The following LRRC4C variants were observed in gnomAD, a reference collection of about 807,000 sequenced individuals.
LRRC4C encodes the protein leucine-rich repeat-containing protein 4C.
In LRRC4C, 5 loss-of-function variants were observed where a neutral mutation model predicts 33.6. That is an observed-to-expected ratio of 0.15 (90% CI 0.08 to 0.31). The LOEUF is 0.31. Ranked by LOEUF, LRRC4C falls within the 10% of genes least tolerant of loss-of-function variation. The pLI is 1.00. For missense variants in LRRC4C, 560 were observed against 796.7 expected (o/e 0.70, Z 3.58); for synonymous variants, 329 against 302.0 (o/e 1.09, Z -0.93).
intron 1 of LRRC4C, among the ~76,000 whole-genome samples, chr11:40,980,906 C>A (rs1305420181): frequency 6.6e-6 from 1 of 152,060 alleles, no homozygotes; most frequent in Admixed American, 6.6e-5. Context: ...GCAGAGCCTA[C>A]GTAATAAACA....
chr11:40,693,941 C>T (rs1480035852), intron 2 of LRRC4C, among the ~76,000 whole-genome samples: 2 of 152,104 alleles, frequency 1.3e-5, no homozygotes, highest in African/African-American at 4.8e-5. Context: ...ATTGCAATTC[C>T]ACACACTTTA....
intron 4 of LRRC4C, among the ~76,000 whole-genome samples, chr11:40,274,826 C>A (rs1942982292): frequency 6.6e-6 from 1 of 152,086 alleles, no homozygotes; most frequent in Non-Finnish European, 1.5e-5. Context: ...TGGAATGTCA[C>A]CTTTGACAGT....
At chr11:41,082,725 T>A (rs1385377457) in intron 1 of LRRC4C, among the ~76,000 whole-genome samples, 2 of 152,188 alleles carry the variant, frequency 1.3e-5, no homozygotes, top group African/African-American at 2.4e-5. Context: ...TCCTTGTTTA[T>A]CCTTTGTGCT....
chr11:40,582,726 A>G (rs1261789217), intron 3 of LRRC4C, among the ~76,000 whole-genome samples: 1 of 152,038 alleles, frequency 6.6e-6, no homozygotes, highest in East Asian at 1.9e-4. Context: ...CATGTTGGCC[A>G]GGTGGGTCTC....
chr11:41,371,610 G>C (rs1419504452), intron 1 of LRRC4C, among the ~76,000 whole-genome samples: 1 of 152,160 alleles, frequency 6.6e-6, no homozygotes, highest in Admixed American at 6.5e-5. Flanking sequence ...TTATCAAATG[G>C]GGATAGTTTC....
At chr11:40,491,620 A>G (rs1161158921) in intron 3 of LRRC4C, among the ~76,000 whole-genome samples, 1 of 152,112 alleles carries the variant, frequency 6.6e-6, no homozygotes, top group East Asian at 1.9e-4. Context: ...CAACATGGCT[A>G]TTTGATTCTT....
intron 2 of LRRC4C, among the ~76,000 whole-genome samples, chr11:40,699,120 C>G (rs1376197945): frequency 6.6e-6 from 1 of 152,132 alleles, no homozygotes; most frequent in African/African-American, 2.4e-5. Flanking sequence ...CTTGGTATTC[C>G]TGCTATACCT....
chr11:40,141,993 G>A (rs1340148188), intron 5 of LRRC4C, among the ~76,000 whole-genome samples: 1 of 151,888 alleles, frequency 6.6e-6, no homozygotes, highest in Non-Finnish European at 1.5e-5. Context: ...TAAATAAATG[G>A]ATAACTCAGC....
At chr11:40,702,971 C>CTAGG (rs1466539903) in intron 2 of LRRC4C, among the ~76,000 whole-genome samples, 1 of 152,040 alleles carries the variant, frequency 6.6e-6, no homozygotes, top group East Asian at 1.9e-4. Flanking sequence ...ATATCAAAAG[C>CTAGG]TAGGATTCCA....
rs147425717 is a variant in LRRC4C, at chr11:40,285,425, T to C, written c.-176+34203A>G. ...ACACAAGAAGGACTAACATCAGGTG[T>C]TGGGTCCCCACAATGAGGACCTCAT... On this transcript the variant is annotated intron_variant, in intron 4 of 6. Coordinates refer to ENST00000528697, the MANE Select transcript of LRRC4C (RefSeq NM_001258419.2). Among the ~76,000 whole-genome samples the C allele has an allele frequency of 3.9e-5, 6 of 152,270 alleles. No individual in the cohort carries two copies. In the East Asian group the frequency reaches 9.7e-4, roughly 25 times the overall value.
chr11:41,021,156 TGAGAGAGAGAGAGAGA>T (rs71060991), intron 1 of LRRC4C, among the ~76,000 whole-genome samples: 6,259 of 127,026 alleles, frequency 0.049, 279 homozygotes, highest in Admixed American at 0.11. Flanking sequence ...ATCGTGCATC[TGAGAGAGAGAGAGAGA>T]GAGAGAGAGA....
intron 3 of LRRC4C, among the ~76,000 whole-genome samples, chr11:40,494,436 T>G (rs1299059032): frequency 6.6e-6 from 1 of 152,264 alleles, no homozygotes; most frequent in Non-Finnish European, 1.5e-5. Context: ...AGATAGAGAA[T>G]AGTGATTATT....
chr11:40,380,976 T>C (rs1273403116), intron 3 of LRRC4C, among the ~76,000 whole-genome samples: 1 of 152,204 alleles, frequency 6.6e-6, no homozygotes, highest in Admixed American at 6.5e-5. Context: ...TGTGTGTGCA[T>C]GTGTGTGCAC....
chr11:40,827,290 G>A (rs1952206596), intron 2 of LRRC4C, among the ~76,000 whole-genome samples: 1 of 151,788 alleles, frequency 6.6e-6, no homozygotes, highest in Non-Finnish European at 1.5e-5. Context: ...ATACTAATTT[G>A]TATTCCTTAA....
chr11:41,276,998 C>T (rs372556507), intron 1 of LRRC4C, among the ~76,000 whole-genome samples: 4 of 152,198 alleles, frequency 2.6e-5, no homozygotes, highest in East Asian at 1.9e-4. Flanking sequence ...ACTAAGTTTG[C>T]GGTAGCTCTT....
At chr11:40,882,065 C>G (rs912276040) in intron 2 of LRRC4C, among the ~76,000 whole-genome samples, 1 of 152,004 alleles carries the variant, frequency 6.6e-6, no homozygotes, top group East Asian at 1.9e-4. Flanking sequence ...AACCACTCAG[C>G]TGTGCCATCG....
intron 3 of LRRC4C, among the ~76,000 whole-genome samples, chr11:40,346,411 G>A (rs548454171): frequency 9.9e-5 from 15 of 152,138 alleles, no homozygotes; most frequent in Non-Finnish European, 2.2e-4. Context: ...GACATAGAAG[G>A]AGCTAGAGGC....
At chr11:40,888,048 TC>T in intron 2 of LRRC4C, among the ~76,000 whole-genome samples, 1 of 151,992 alleles carries the variant, frequency 6.6e-6, no homozygotes, top group Non-Finnish European at 1.5e-5. Context: ...AGAGCCTACT[TC>T]ACTGAGTCTC....
intron 1 of LRRC4C, among the ~76,000 whole-genome samples, chr11:41,456,102 A>C (rs1401242466): frequency 6.6e-6 from 1 of 152,134 alleles, no homozygotes; most frequent in African/African-American, 2.4e-5. Flanking sequence ...GAACAGTACC[A>C]AGGACATACA....
Sources: gnomAD v4.1 joint callset for allele counts (sites outside exome capture counted in the v4.1 genomes callset) on GRCh38, gnomAD v4.1.1 for gene constraint, MANE v1.5 for transcripts, NCBI Gene and HGNC (gene_info 2026-07-23, HGNC 2026-07-21) for gene names.